Variants in FAM13A observed in about 807,000 individuals in gnomAD.
FAM13A encodes the protein protein FAM13A.
Under a neutral mutation model 129.6 loss-of-function variants are expected in FAM13A, and 76 were observed. That is an observed-to-expected ratio of 0.59 (90% CI 0.49 to 0.71). The LOEUF is 0.71. FAM13A is among the 30% of genes least tolerant of loss of function. FAM13A has a pLI of 0.00. For synonymous variants in FAM13A, 443 were observed against 449.9 expected, an observed-to-expected ratio of 0.98 and a Z score of 0.20; for missense variants, 1,108 against 1,249.3, an observed-to-expected ratio of 0.89 and a Z score of 1.70.
At chr4:88,936,094 C>G (rs1345095988) in intron 5 of FAM13A, among the ~76,000 whole-genome samples, 1 of 152,116 alleles carries the variant, frequency 6.6e-6, no homozygotes, top group Non-Finnish European at 1.5e-5. Flanking sequence ...GTATTTGGCT[C>G]CCACAGAATT....
intron 4 of FAM13A, among the ~76,000 whole-genome samples, chr4:88,963,795 C>T (rs541922159): frequency 6.6e-6 from 1 of 152,228 alleles, no homozygotes; most frequent in African/African-American, 2.4e-5. Flanking sequence ...TGGTAAGATA[C>T]TTGTATTATT....
At chr4:88,771,987 C>T (rs1305450321) in intron 11 of FAM13A, among the ~76,000 whole-genome samples, 2 of 152,104 alleles carry the variant, frequency 1.3e-5, no homozygotes, top group African/African-American at 2.4e-5. Flanking sequence ...TCTCCCTCTC[C>T]GTGTTGGCAT....
At chr4:88,736,329 A>G (rs1316121757) in intron 21 of FAM13A, 1 of 152,228 alleles carries the variant, frequency 6.6e-6, no homozygotes, top group Non-Finnish European at 1.5e-5. Context: ...AGGAATACAT[A>G]AAAGAAGACT....
At chr4:88,837,201 G>T (rs911965748) in intron 7 of FAM13A, among the ~76,000 whole-genome samples, 6 of 150,764 alleles carry the variant, frequency 4.0e-5, no homozygotes, top group African/African-American at 1.2e-4. Context: ...TCCCATGTTG[G>T]TCAGGCTGGT....
chr4:88,905,036 G>A (rs2150226343), intron 6 of FAM13A, among the ~76,000 whole-genome samples: 1 of 152,206 alleles, frequency 6.6e-6, no homozygotes, highest in Non-Finnish European at 1.5e-5. Context: ...ACGCCCAGAA[G>A]GGAAAATGCA....
chr4:88,878,204 T>G (rs556226782), intron 6 of FAM13A, among the ~76,000 whole-genome samples: 17 of 140,214 alleles, frequency 1.2e-4, no homozygotes, highest in Non-Finnish European at 2.4e-4. Context: ...AGGAGAATGG[T>G]GTGAACCCGG....
intron 11 of FAM13A, among the ~76,000 whole-genome samples, chr4:88,777,531 G>A (rs1722007107): frequency 6.6e-6 from 1 of 152,130 alleles, no homozygotes. Context: ...GCCCAGACTG[G>A]TACCTCACTG....
chr4:88,988,909 T>C (rs1178234555), intron 4 of FAM13A, among the ~76,000 whole-genome samples: 2 of 152,186 alleles, frequency 1.3e-5, no homozygotes, highest in Non-Finnish European at 2.9e-5. Context: ...TGTATAACGT[T>C]GTACCACATA....
Position 88,787,735 on chromosome 4 carries a change from G to T in FAM13A, c.1271+18C>A, listed in dbSNP as rs1037361350. Reference sequence around the variant, plus strand: ...AAAGAGAAAACTCAAGTAAGAGGAAGAATCAATGCCAACTCACTTGTCTCT... The same window carrying T: ...AAAGAGAAAACTCAAGTAAGAGGAATAATCAATGCCAACTCACTTGTCTCT... On this transcript the variant is annotated intron_variant, in intron 10 of 23. Coordinates refer to ENST00000264344, the MANE Select transcript of FAM13A (RefSeq NM_014883.4). 5.6e-6 allele frequency: 9 copies of T among 1,606,966 alleles called. 1 individual carries two copies. Among genetic ancestry groups the T allele is most frequent in the Admixed American group, 3.4e-5 (2 of 58,530 alleles).
At chr4:88,739,188 G>A in intron 19 of FAM13A, 63 bp from the exon 20 acceptor site, 5 of 1,074,152 alleles carry the variant, frequency 4.7e-6, no homozygotes, top group Non-Finnish European at 7.3e-6. Context: ...AGCTGTCTAA[G>A]CATGCTCTGG....
At chr4:88,842,495 T>C (rs1283126933) in intron 7 of FAM13A, among the ~76,000 whole-genome samples, 1 of 152,250 alleles carries the variant, frequency 6.6e-6, no homozygotes, top group African/African-American at 2.4e-5. Flanking sequence ...CTTTTAAACA[T>C]CTTTCTATTA....
chr4:88,776,802 C>A (rs539851903), intron 11 of FAM13A, among the ~76,000 whole-genome samples: 2 of 152,182 alleles, frequency 1.3e-5, no homozygotes, highest in East Asian at 3.9e-4. Flanking sequence ...TGGTGAAACC[C>A]CATCTCCACT....
chr4:88,794,860 T>C (rs1044825740), intron 8 of FAM13A, among the ~76,000 whole-genome samples: 18 of 151,862 alleles, frequency 1.2e-4, no homozygotes. Context: ...CAAAATATAG[T>C]ATTTTTAGTA....
chr4:88,866,019 G>C (rs1361374565), intron 6 of FAM13A, among the ~76,000 whole-genome samples: 1 of 149,152 alleles, frequency 6.7e-6, no homozygotes, highest in Non-Finnish European at 1.5e-5. Flanking sequence ...TTACAGGCAC[G>C]AGCCACCATG....
At chr4:89,042,735 C>A (rs1770318198) in intron 1 of FAM13A, among the ~76,000 whole-genome samples, 1 of 141,426 alleles carries the variant, frequency 7.1e-6, no homozygotes, top group Non-Finnish European at 1.5e-5. Flanking sequence ...AAAAGATAAT[C>A]CATTTAAATT....
chr4:88,761,502 TG>T (rs1215059997), intron 13 of FAM13A, among the ~76,000 whole-genome samples: 2 of 152,064 alleles, frequency 1.3e-5, no homozygotes, highest in Admixed American at 1.3e-4. Context: ...AATTTTGATT[TG>T]GGGGCAGATA....
At chr4:88,767,676 T>A in intron 12 of FAM13A, 81 bp from the exon 13 acceptor site, 1 of 1,146,402 alleles carries the variant, frequency 8.7e-7, no homozygotes, top group Non-Finnish European at 1.2e-6. Flanking sequence ...TATTATGATT[T>A]AATTTAAGAG....
intron 14 of FAM13A, 116 bp downstream of exon 14, chr4:88,758,638 A>T: frequency 9.9e-7 from 1 of 1,008,082 alleles, no homozygotes; most frequent in Non-Finnish European, 1.5e-6. Context: ...AAATGCAGTT[A>T]CTTCTGCATG....
chr4:88,829,410 G>C (rs1298879029), intron 7 of FAM13A, among the ~76,000 whole-genome samples: 1 of 152,148 alleles, frequency 6.6e-6, no homozygotes, highest in East Asian at 1.9e-4. Context: ...CTGCACTCCA[G>C]CCTAGGTGAC....
Sources: allele counts gnomAD v4.1 joint callset (sites outside exome capture counted in the v4.1 genomes callset), GRCh38; gene constraint gnomAD v4.1.1; transcripts MANE v1.5; gene names NCBI Gene and HGNC (gene_info 2026-07-23, HGNC 2026-07-21).